Variants in TFPI observed in about 807,000 individuals in gnomAD.
TFPI encodes the protein anti-convertin.
A neutral mutation model predicts 34.6 loss-of-function variants in TFPI; 15 were observed. The observed-to-expected ratio is 0.43, with a 90% CI of 0.29 to 0.67. The LOEUF (loss-of-function observed/expected upper bound fraction) is 0.67. Ranked by LOEUF, TFPI falls within the 30% of genes least tolerant of loss-of-function variation. The probability of loss-of-function intolerance (pLI) is 0.15; values close to 1 mark genes in which losing one functional copy is unlikely to be tolerated. For synonymous variants in TFPI, 105 were observed against 120.1 expected (o/e 0.87, Z 0.82); for missense variants, 301 against 364.0 (o/e 0.83, Z 1.41).
chr2:187,525,098 G>A (rs1377734488), intron 1 of TFPI, among the ~76,000 whole-genome samples: 1 of 152,062 alleles, frequency 6.6e-6, no homozygotes, highest in Non-Finnish European at 1.5e-5. Flanking sequence ...AAGAAAAAAG[G>A]AAGACCTTTG....
intron 1 of TFPI, chr2:187,547,792 T>C (rs1377713808): frequency 6.6e-6 from 1 of 152,196 alleles, no homozygotes; most frequent in Non-Finnish European, 1.5e-5. Flanking sequence ...TACATTTTTA[T>C]AAAGACAAGT....
chr2:187,550,293 TA>T (rs1689050730), intron 1 of TFPI, among the ~76,000 whole-genome samples: 1 of 152,128 alleles, frequency 6.6e-6, no homozygotes, highest in Non-Finnish European at 1.5e-5. Flanking sequence ...AAGCAGGGAA[TA>T]TTTTTTGTTC....
intron 6 of TFPI, 160 bp downstream of exon 6, chr2:187,483,964 T>C: frequency 1.6e-6 from 1 of 616,334 alleles, no homozygotes. Flanking sequence ...TGAGATTAAA[T>C]GTCTTAAACA....
intron 1 of TFPI, among the ~76,000 whole-genome samples, chr2:187,533,524 A>C (rs1326063123): frequency 6.6e-6 from 1 of 152,226 alleles, no homozygotes; most frequent in African/African-American, 2.4e-5. Context: ...TATTAACATC[A>C]ACAAAGAGGA....
At chr2:187,546,938 C>T (rs759130415) in intron 1 of TFPI, 8 of 152,200 alleles carry the variant, frequency 5.3e-5, no homozygotes, top group Non-Finnish European at 1.0e-4. Flanking sequence ...CATGGAAAGA[C>T]GAGACTTTCC....
chr2:187,515,413 GT>G (rs1398208959), intron 1 of TFPI: 1 of 152,204 alleles, frequency 6.6e-6, no homozygotes, highest in African/African-American at 2.4e-5. Context: ...ACATAACTGT[GT>G]AGAGGTGTTG....
intron 6 of TFPI, among the ~76,000 whole-genome samples, chr2:187,472,519 C>T (rs8176571): frequency 0.017 from 2,649 of 152,202 alleles, 73 homozygotes; most frequent in African/African-American, 0.06. Flanking sequence ...AACCATTTAG[C>T]AAACCATGGA....
intron 6 of TFPI, among the ~76,000 whole-genome samples, chr2:187,474,065 G>T (rs1459891559): frequency 1.3e-5 from 2 of 152,066 alleles, no homozygotes; most frequent in African/African-American, 4.8e-5. Context: ...ATTTGTCTAA[G>T]CAAGGCCACA....
At chr2:187,472,730 G>C (rs569359869) in intron 6 of TFPI, among the ~76,000 whole-genome samples, 1 of 152,092 alleles carries the variant, frequency 6.6e-6, no homozygotes, top group Non-Finnish European at 1.5e-5. Context: ...AGAAAGACAC[G>C]GCCAGGCGTG....
At chr2:187,550,927 T>G (rs1220331156) in intron 1 of TFPI, among the ~76,000 whole-genome samples, 8 of 152,070 alleles carry the variant, frequency 5.3e-5, no homozygotes, top group Non-Finnish European at 1.0e-4. Context: ...ATCATAGAAT[T>G]CAAGGACTGG....
At chr2:187,490,308 T>C (rs1416504508) in intron 3 of TFPI, among the ~76,000 whole-genome samples, 1 of 151,702 alleles carries the variant, frequency 6.6e-6, no homozygotes, top group Non-Finnish European at 1.5e-5. Flanking sequence ...TGTTTACTTT[T>C]TCTGTCAGTT....
chr2:187,533,213 G>T (rs554467395), intron 1 of TFPI, among the ~76,000 whole-genome samples: 15 of 152,162 alleles, frequency 9.9e-5, no homozygotes, highest in Non-Finnish European at 1.9e-4. Context: ...TTCGAGCTCT[G>T]CTAAGAGACA....
intron 6 of TFPI, among the ~76,000 whole-genome samples, chr2:187,471,330 T>G (rs905076712): frequency 1.2e-4 from 19 of 152,184 alleles, no homozygotes; most frequent in African/African-American, 4.1e-4. Flanking sequence ...CATTTGAATT[T>G]TTTTCACTTC....
At chr2:187,498,391 GAATT>G (rs1685628767) in intron 2 of TFPI, among the ~76,000 whole-genome samples, 1 of 151,520 alleles carries the variant, frequency 6.6e-6, no homozygotes, top group Non-Finnish European at 1.5e-5. Context: ...AATCAATTTT[GAATT>G]AATAGCAAGT....
rs1269686958 is a variant in TFPI, at chr2:187,480,699, AACT to A, written c.628+3422_628+3424del. On this transcript the variant is annotated intron_variant, in intron 6 of 7. Coordinates refer to ENST00000233156, the MANE Select transcript of TFPI (RefSeq NM_006287.6). ...GGTGGAGAGAACACACATTTATTTT[AACT>A]ACATGGATATACTCAACACAGCCAA... Among the ~76,000 whole-genome samples, 10 of 152,256 alleles carry A rather than the reference AACT, an allele frequency of 6.6e-5. No individual in the cohort carries two copies. In the South Asian group the frequency reaches 2.1e-3, roughly 32 times the overall value.
intron 1 of TFPI, among the ~76,000 whole-genome samples, chr2:187,525,976 T>C (rs1687657264): frequency 6.6e-6 from 1 of 152,174 alleles, no homozygotes; most frequent in South Asian, 2.1e-4. Context: ...CTCTATTTAC[T>C]TATCTATAAA....
At chr2:187,480,312 G>T (rs997956589) in intron 6 of TFPI, among the ~76,000 whole-genome samples, 1 of 151,816 alleles carries the variant, frequency 6.6e-6, no homozygotes, top group African/African-American at 2.4e-5. Context: ...GAATCACATG[G>T]ATAATAATAA....
At chr2:187,544,850 C>G (rs1040836215) in intron 1 of TFPI, among the ~76,000 whole-genome samples, 2 of 152,140 alleles carry the variant, frequency 1.3e-5, no homozygotes, top group Non-Finnish European at 2.9e-5. Context: ...TGCAGTGACT[C>G]ACATCTATAA....
At chr2:187,492,865 C>T (rs1281850034) in intron 3 of TFPI, among the ~76,000 whole-genome samples, 1 of 152,164 alleles carries the variant, frequency 6.6e-6, no homozygotes, top group Non-Finnish European at 1.5e-5. Flanking sequence ...AGACATTGGA[C>T]TGTGGACTTC....
Sources: allele counts gnomAD v4.1 joint callset (sites outside exome capture counted in the v4.1 genomes callset), GRCh38; gene constraint gnomAD v4.1.1; transcripts MANE v1.5; gene names NCBI Gene and HGNC (gene_info 2026-07-23, HGNC 2026-07-21).